IL1R1: variants seen among roughly 807,000 people sequenced by gnomAD.
The protein encoded by IL1R1 is interleukin 1 receptor type 1, also known as interleukin-1 receptor type 1.
In IL1R1, 22 loss-of-function variants were observed where a neutral mutation model predicts 50.2. That is an observed-to-expected ratio of 0.44 (90% confidence interval 0.31 to 0.63). The LOEUF is 0.63. Ranked by LOEUF, IL1R1 falls within the 20% of genes least tolerant of loss-of-function variation. The pLI is 0.07. For missense variants in IL1R1, 509 were observed against 676.2 expected, an observed-to-expected ratio of 0.75 and a Z score of 2.74; for synonymous variants, 251 against 236.7, an observed-to-expected ratio of 1.06 and a Z score of -0.55.
intron 1 of IL1R1, among the ~76,000 whole-genome samples, chr2:102,085,579 T>A (rs1679397649): frequency 6.6e-6 from 1 of 152,012 alleles, no homozygotes. Context: ...CATTGGCCAG[T>A]TTGTATAAAT....
Position 102,176,458 on chromosome 2 carries a change from A to G in IL1R1, c.1409A>G (p.Glu470Gly). The change falls in exon 12 of 12, where the codon GAG becomes GGG. Residue 470 changes from glutamate (E) to glycine (G), a missense_variant. By Grantham distance (98) the Glu-to-Gly change is moderately conservative. Transcript: ENST00000410023. ...GFSWLGGSSE[E>G]QIAMYNALVQ... The stretch of plus-strand genomic sequence containing the variant: ...AGCTGGCTGGGTGGTTCATCTGAAG[A>G]GCAAATAGCCATGTATAATGCTCTT... 6.2e-7 allele frequency: 1 copy of G among 1,614,204 alleles called. No homozygotes were observed. The highest frequency in any genetic ancestry group is 8.5e-7 in the Non-Finnish European group (1 of 1,180,032).
At chr2:102,109,948 A>G (rs544913120) in intron 1 of IL1R1, among the ~76,000 whole-genome samples, 3 of 152,340 alleles carry the variant, frequency 2.0e-5, no homozygotes, top group South Asian at 4.1e-4. Flanking sequence ...GGAAAAGACT[A>G]TAATTTAAAA....
chr2:102,086,160 C>A lies in IL1R1; in HGVS notation c.-84+15627C>A, dbSNP rs10186067. ...CTTGTGAATATTCCAGAAAAACAAT[C>A]ATGCCATCTGCAAATAATGGCATTA... On this transcript the variant is annotated intron_variant, in intron 1 of 11. Transcript: ENST00000409929. Among the ~76,000 whole-genome samples, 963 of 152,300 alleles carry A rather than the reference C, an allele frequency of 6.3e-3. 16 individuals are homozygous for A. The highest frequency in any genetic ancestry group is 0.022 in the African/African-American group (922 of 41,582).
chr2:102,096,396 T>C (rs1320262018), intron 1 of IL1R1, among the ~76,000 whole-genome samples: 3 of 152,228 alleles, frequency 2.0e-5, no homozygotes, highest in Non-Finnish European at 2.9e-5. Flanking sequence ...TTTGTTAGAC[T>C]CTGAAAGTTG....
At chr2:102,111,968 G>GCT (rs1680790542) in intron 1 of IL1R1, among the ~76,000 whole-genome samples, 2 of 152,278 alleles carry the variant, frequency 1.3e-5, no homozygotes, top group Admixed American at 1.3e-4. Flanking sequence ...TGAGGCCATG[G>GCT]CTCTCTGTGC....
chr2:102,130,796 TGCC>T (rs1309212099), intron 1 of IL1R1, among the ~76,000 whole-genome samples: 3 of 152,232 alleles, frequency 2.0e-5, no homozygotes, highest in Admixed American at 2.0e-4. Context: ...AGATTTCTGA[TGCC>T]AGCCAGGATT....
chr2:102,123,887 T>G (rs1681539605), intron 1 of IL1R1, among the ~76,000 whole-genome samples: 1 of 152,044 alleles, frequency 6.6e-6, no homozygotes, highest in African/African-American at 2.4e-5. Context: ...CTTTCTTGGT[T>G]GATAGGAATG....
intron 1 of IL1R1, among the ~76,000 whole-genome samples, chr2:102,079,852 G>A (rs1029953152): frequency 6.6e-6 from 1 of 151,866 alleles, no homozygotes; most frequent in Non-Finnish European, 1.5e-5. Flanking sequence ...ACAAAGCAAC[G>A]GTATCCAAGA....
At chr2:102,166,996 G>T (rs1361268604) in intron 6 of IL1R1, among the ~76,000 whole-genome samples, 1 of 152,106 alleles carries the variant, frequency 6.6e-6, no homozygotes, top group Non-Finnish European at 1.5e-5. Flanking sequence ...AATTGCCAGG[G>T]GATAGTCAGA....
rs1247082039 is a variant in IL1R1, at chr2:102,142,801, G to C, written c.-303G>C. On this transcript the variant is annotated 5_prime_UTR_variant, in exon 1 of 12. Coordinates refer to ENST00000410023, the MANE Select transcript of IL1R1 (RefSeq NM_000877.4). ...GTGGCCGGCGGCCGGAGCCGACTCG[G>C]AGCGCGCGGCGCCGGCCGGGAGGAG... 6.8e-6 allele frequency: 1 copy of C among 147,986 alleles called. No homozygotes were observed. Among genetic ancestry groups the C allele is most frequent in the Non-Finnish European group, 1.5e-5 (1 of 66,586 alleles). 9.2% of individuals were successfully genotyped at this position (147,986 alleles called of 1,614,324 possible).
chr2:102,139,729 C>A (rs1344271442), upstream of IL1R1, among the ~76,000 whole-genome samples: 1 of 152,216 alleles, frequency 6.6e-6, no homozygotes, highest in Admixed American at 6.5e-5. Context: ...CCTGCTCTGG[C>A]CACGTGACGT....
At chr2:102,176,151 C>A in intron 11 of IL1R1, 2 of 538,596 alleles carry the variant, frequency 3.7e-6, no homozygotes, top group Admixed American at 3.4e-5. Flanking sequence ...CACGCCACTG[C>A]GCTCCAGTGT....
At chr2:102,103,394 C>G (rs1288864191), upstream of IL1R1, among the ~76,000 whole-genome samples, 1 of 151,998 alleles carries the variant, frequency 6.6e-6, no homozygotes, top group African/African-American at 2.4e-5. Flanking sequence ...TGTCAATTGG[C>G]TAGGGTAAGG....
chr2:102,161,077 A>C (rs1023391809), intron 3 of IL1R1, among the ~76,000 whole-genome samples: 1 of 152,204 alleles, frequency 6.6e-6, no homozygotes, highest in Non-Finnish European at 1.5e-5. Flanking sequence ...TAGGCATTTA[A>C]GGCTAGCAGT....
intron 1 of IL1R1, among the ~76,000 whole-genome samples, chr2:102,145,533 G>A (rs984014602): frequency 6.6e-6 from 1 of 152,208 alleles, no homozygotes; most frequent in Non-Finnish European, 1.5e-5. Context: ...ATGGCGGCAC[G>A]ATGGAGACAC....
intron 1 of IL1R1, among the ~76,000 whole-genome samples, chr2:102,118,287 G>A (rs1681205263): frequency 6.6e-6 from 1 of 152,174 alleles, no homozygotes. Context: ...AACATGTGGA[G>A]GGTAGCCCAC....
intron 5 of IL1R1, among the ~76,000 whole-genome samples, 186 bp from the exon 6 acceptor site, chr2:102,165,927 T>A (rs1685144581): frequency 6.6e-6 from 1 of 152,210 alleles, no homozygotes; most frequent in African/African-American, 2.4e-5. Context: ...AAACTTAATG[T>A]CATAGGAATA....
intron 10 of IL1R1, among the ~76,000 whole-genome samples, chr2:102,175,041 TC>T (rs1240716863): frequency 6.6e-6 from 1 of 151,076 alleles, no homozygotes; most frequent in Admixed American, 6.6e-5. Context: ...CAGACAGAGA[TC>T]ATACCTTAAT....
intron 1 of IL1R1, among the ~76,000 whole-genome samples, chr2:102,085,998 G>T (rs376964921): frequency 2.0e-5 from 3 of 152,110 alleles, no homozygotes; most frequent in East Asian, 1.9e-4. Flanking sequence ...TATTTTTAGT[G>T]AGCTTGTACA....
Sources: gnomAD v4.1 joint callset for allele counts (sites outside exome capture counted in the v4.1 genomes callset) on GRCh38, gnomAD v4.1.1 for gene constraint, MANE v1.5 for transcripts, NCBI Gene and HGNC (gene_info 2026-07-23, HGNC 2026-07-21) for gene names.